Variants in FMNL2 observed in about 807,000 individuals in gnomAD.
FMNL2 encodes the protein formin-like protein 2.
In FMNL2, 51 loss-of-function variants were observed where a neutral mutation model predicts 130.2. The observed-to-expected ratio is 0.39, with a 90% CI of 0.31 to 0.49. The LOEUF (loss-of-function observed/expected upper bound fraction) is 0.49. FMNL2 is among the 20% of genes least tolerant of loss of function. The pLI is 0.85. For synonymous variants in FMNL2, 465 were observed against 467.1 expected (o/e 1.00, Z 0.06); for missense variants, 977 against 1,316.2 (o/e 0.74, Z 3.99).
intron 1 of FMNL2, among the ~76,000 whole-genome samples, chr2:152,459,928 A>C (rs149934750): frequency 6.6e-6 from 1 of 152,244 alleles, no homozygotes; most frequent in Non-Finnish European, 1.5e-5. Context: ...GAAATCACCA[A>C]AATTTTCGTT....
At chr2:152,601,261 C>G (rs1221816918) in intron 9 of FMNL2, among the ~76,000 whole-genome samples, 1 of 151,748 alleles carries the variant, frequency 6.6e-6, no homozygotes, top group African/African-American at 2.4e-5. Context: ...CCTTTATTTC[C>G]TCTGTAACCC....
At chr2:152,526,683 GT>G (rs566110665) in intron 2 of FMNL2, among the ~76,000 whole-genome samples, 81 of 152,178 alleles carry the variant, frequency 5.3e-4, no homozygotes, top group African/African-American at 1.9e-3. Context: ...TTTGCGATCT[GT>G]TTAATTCTTT....
chr2:152,585,408 A>T (rs16831415), intron 9 of FMNL2, among the ~76,000 whole-genome samples: 2,689 of 152,282 alleles, frequency 0.018, 86 homozygotes, highest in African/African-American at 0.06. Flanking sequence ...AGAAAAAAAT[A>T]CATTTGGAAG....
chr2:152,502,811 A>G (rs1320057427), intron 1 of FMNL2, among the ~76,000 whole-genome samples: 1 of 152,150 alleles, frequency 6.6e-6, no homozygotes, highest in East Asian at 1.9e-4. Context: ...AAAGGGAGCG[A>G]GTTCTTGTAT....
intron 6 of FMNL2, among the ~76,000 whole-genome samples, chr2:152,573,561 T>C (rs1393420014): frequency 1.3e-5 from 2 of 152,204 alleles, no homozygotes; most frequent in Non-Finnish European, 2.9e-5. Flanking sequence ...CAAGAAAGGA[T>C]TAGAGTAAAT....
intron 3 of FMNL2, among the ~76,000 whole-genome samples, chr2:152,544,149 G>T (rs1383828857): frequency 6.6e-6 from 1 of 152,124 alleles, no homozygotes; most frequent in Non-Finnish European, 1.5e-5. Flanking sequence ...TGGCACAGTG[G>T]CTCACGTCTG....
chr2:152,633,837 G>C (rs1682357486), intron 21 of FMNL2, among the ~76,000 whole-genome samples: 1 of 152,200 alleles, frequency 6.6e-6, no homozygotes, highest in Non-Finnish European at 1.5e-5. Context: ...ACATCGGTGG[G>C]GAAAATGGGA....
chr2:152,473,217 C>T (rs908824524), intron 1 of FMNL2, among the ~76,000 whole-genome samples: 150 of 152,176 alleles, frequency 9.9e-4, no homozygotes, highest in African/African-American at 3.4e-3. Context: ...TGATACATAT[C>T]TTTTTAAGAG....
intron 9 of FMNL2, among the ~76,000 whole-genome samples, chr2:152,600,464 A>C (rs1416474908): frequency 6.6e-6 from 1 of 152,094 alleles, no homozygotes; most frequent in Non-Finnish European, 1.5e-5. Context: ...AGAGACTGTT[A>C]CTCACCTTGA....
intron 1 of FMNL2, among the ~76,000 whole-genome samples, chr2:152,469,494 G>A (rs1014163313): frequency 1.3e-5 from 2 of 152,094 alleles, no homozygotes; most frequent in Admixed American, 6.5e-5. Flanking sequence ...AGCTGCACCC[G>A]TCTTCTGACT....
chr2:152,526,539 C>T (rs2105423504), intron 2 of FMNL2, among the ~76,000 whole-genome samples: 1 of 152,258 alleles, frequency 6.6e-6, no homozygotes, highest in East Asian at 1.9e-4. Flanking sequence ...ATTTCTCCCT[C>T]TCCTTCTCCT....
At position 152,371,853 on chromosome 2, in the gene FMNL2, C is replaced by T. The variant is rs367908524; in HGVS notation, c.117+36133C>T. On this transcript the variant is annotated intron_variant, in intron 1 of 25. Coordinates refer to ENST00000288670, the MANE Select transcript of FMNL2 (RefSeq NM_052905.4). The stretch of plus-strand genomic sequence containing the variant: ...GAGACATGAGCTAGCAGACTTAGCC[C>T]CCTCACCTTGCGATGGCCTGTACCA... Among the ~76,000 whole-genome samples the T allele has an allele frequency of 1.8e-4, 27 of 151,968 alleles. No homozygotes were observed. In the East Asian group the frequency reaches 4.5e-3, roughly 25 times the overall value.
intron 1 of FMNL2, among the ~76,000 whole-genome samples, chr2:152,467,172 T>C (rs1270484246): frequency 6.6e-6 from 1 of 152,068 alleles, no homozygotes; most frequent in Non-Finnish European, 1.5e-5. Context: ...TTGCTGGTCA[T>C]TTGGCTCTTT....
intron 1 of FMNL2, among the ~76,000 whole-genome samples, chr2:152,424,495 A>G (rs1196633842): frequency 6.6e-6 from 1 of 150,998 alleles, no homozygotes; most frequent in Admixed American, 6.6e-5. Context: ...GGTTCAAGTG[A>G]TTCTCCTGCC....
intron 8 of FMNL2, among the ~76,000 whole-genome samples, chr2:152,580,193 A>G (rs1696705751): frequency 6.6e-6 from 1 of 152,198 alleles, no homozygotes; most frequent in Non-Finnish European, 1.5e-5. Flanking sequence ...TTTTGTTTAG[A>G]AGTTGGTGAA....
At chr2:152,546,131 CAT>C (rs1694617170) in intron 3 of FMNL2, among the ~76,000 whole-genome samples, 4 of 152,136 alleles carry the variant, frequency 2.6e-5, no homozygotes, top group Non-Finnish European at 5.9e-5. Flanking sequence ...TGCCTGATGG[CAT>C]ACGTAAGGGA....
chr2:152,468,881 G>C (rs1037962384), intron 1 of FMNL2, among the ~76,000 whole-genome samples: 31 of 152,156 alleles, frequency 2.0e-4, no homozygotes, highest in African/African-American at 7.2e-4. Flanking sequence ...ATTCAATGGG[G>C]AGAGATAATG....
chr2:152,553,778 G>A (rs1287081398), intron 4 of FMNL2, among the ~76,000 whole-genome samples: 1 of 151,492 alleles, frequency 6.6e-6, no homozygotes, highest in Non-Finnish European at 1.5e-5. Context: ...TAAATGACAT[G>A]TTTTATGAAA....
intron 2 of FMNL2, among the ~76,000 whole-genome samples, chr2:152,526,730 T>C (rs1693408309): frequency 6.6e-6 from 1 of 152,232 alleles, no homozygotes; most frequent in African/African-American, 2.4e-5. Flanking sequence ...TTTTCTCTTA[T>C]CATTTTGATA....
Sources: gnomAD v4.1 joint callset for allele counts (sites outside exome capture counted in the v4.1 genomes callset) on GRCh38, gnomAD v4.1.1 for gene constraint, MANE v1.5 for transcripts, NCBI Gene and HGNC (gene_info 2026-07-23, HGNC 2026-07-21) for gene names.